MAOB: variants seen among roughly 807,000 people sequenced by gnomAD.
The protein encoded by MAOB is amine oxidase [flavin-containing] B.
MAOB carries 15 observed loss-of-function variants against 41.9 expected under a neutral mutation model. That is an observed-to-expected ratio of 0.36 (90% CI 0.24 to 0.55). The LOEUF (loss-of-function observed/expected upper bound fraction) is 0.55, where lower values mean the gene tolerates loss of function less well. Among genes scored for constraint, MAOB ranks in the 20% least tolerant of loss-of-function variants. The pLI, the probability that MAOB is intolerant of heterozygous loss-of-function variation, is 0.86. For missense variants in MAOB, 345 were observed against 398.7 expected (o/e 0.87, Z 1.15); for synonymous variants, 167 against 144.2 (o/e 1.16, Z -1.13).
intron 1 of MAOB, among the ~76,000 whole-genome samples, chrX:43,870,693 G>A (rs1301214609): frequency 1.9e-5 from 2 of 106,025 alleles, no homozygotes; most frequent in Non-Finnish European, 3.9e-5. Flanking sequence ...TACTTGGGAG[G>A]CTGAGGCAGG....
intron 1 of MAOB, among the ~76,000 whole-genome samples, chrX:43,856,818 C>G (rs1270867355): frequency 9.2e-6 from 1 of 108,595 alleles, no homozygotes; most frequent in Middle Eastern, 4.3e-3. Flanking sequence ...AGAGGAGGAG[C>G]TGGCCTTGCT....
chrX:43,828,041 T>C (rs1052831855), intron 3 of MAOB, among the ~76,000 whole-genome samples: 9 of 111,282 alleles, frequency 8.1e-5, no homozygotes, highest in Non-Finnish European at 1.5e-4. Context: ...TCAAGAAAAG[T>C]AGCAGCTTAA....
rs1484185976 is a variant in MAOB, at chrX:43,767,459, T to C, written c.*7A>G. The C allele has an allele frequency of 2.5e-6, 3 of 1,203,709 alleles. No individual in the cohort carries two copies. Among genetic ancestry groups the C allele is most frequent in the Non-Finnish European group, 3.4e-6 (3 of 891,009 alleles). ...GAAGAGAGTGTGATTACAGACACCC[T>C]CTCTCTTTAGACTCTCACAAGTAGC... On this transcript the variant is annotated 3_prime_UTR_variant, in exon 15 of 15. Coordinates refer to ENST00000378069, the MANE Select transcript of MAOB (RefSeq NM_000898.5).
At chrX:43,778,831 A>T in intron 10 of MAOB, 92 bp from the exon 11 acceptor site, 1 of 649,821 alleles carries the variant, frequency 1.5e-6, no homozygotes, top group Non-Finnish European at 2.4e-6. Context: ...CATAAAAAAG[A>T]TTCCATGAGC....
chrX:43,881,880 G>A (rs1037357231), intron 1 of MAOB, among the ~76,000 whole-genome samples: 1 of 111,891 alleles, frequency 8.9e-6, no homozygotes, highest in Non-Finnish European at 1.9e-5. Flanking sequence ...TGCTCTAAGC[G>A]AGGGTGCGGA....
chrX:43,820,928 TATTCTA>T (rs748068784), intron 3 of MAOB, among the ~76,000 whole-genome samples: 10 of 112,602 alleles, frequency 8.9e-5, no homozygotes, highest in Non-Finnish European at 1.5e-4. Context: ...AAGAAATGAC[TATTCTA>T]ATTCTATGAC....
intron 10 of MAOB, 142 bp downstream of exon 10, chrX:43,780,200 C>A: frequency 2.1e-6 from 1 of 471,787 alleles, no homozygotes. Flanking sequence ...TATAATTAGG[C>A]AGTCCGTAAG....
chrX:43,850,982 C>G (rs2035247358), intron 1 of MAOB, among the ~76,000 whole-genome samples: 2 of 112,129 alleles, frequency 1.8e-5, no homozygotes, highest in African/African-American at 3.2e-5. Flanking sequence ...AAAATGTCAG[C>G]AATCATAATG....
At chrX:43,857,567 C>T (rs2035306895) in intron 1 of MAOB, among the ~76,000 whole-genome samples, 1 of 111,060 alleles carries the variant, frequency 9.0e-6, no homozygotes, top group Admixed American at 9.6e-5. Context: ...TGGAGTCCTG[C>T]GGTCCATCCC....
intron 1 of MAOB, among the ~76,000 whole-genome samples, chrX:43,851,583 T>G (rs935786732): frequency 1.8e-5 from 2 of 111,848 alleles, no homozygotes; most frequent in Admixed American, 9.5e-5. Flanking sequence ...ATTTTTAGAA[T>G]CACAAGCATC....
At chrX:43,781,932 C>A (rs1471462185) in intron 8 of MAOB, among the ~76,000 whole-genome samples, 1 of 111,861 alleles carries the variant, frequency 8.9e-6, no homozygotes. Flanking sequence ...AGAGACTGAA[C>A]ACTGACACTT....
chrX:43,837,738 T>A (rs1254430387), intron 3 of MAOB: 5 of 254,540 alleles, frequency 2.0e-5, no homozygotes, highest in Non-Finnish European at 3.8e-5. Flanking sequence ...GGATGTTTTC[T>A]ACCAGTGAGG....
intron 3 of MAOB, among the ~76,000 whole-genome samples, chrX:43,833,122 C>A (rs1173741366): frequency 1.8e-5 from 2 of 111,682 alleles, no homozygotes; most frequent in Non-Finnish European, 3.8e-5. Context: ...CATGCTCTGA[C>A]CCCATTGCAT....
rs778022016 is a variant in MAOB at position 43,769,409 on chromosome X, G to T, written c.1245C>A (p.Arg415=). The T allele has an allele frequency of 8.3e-7, 1 of 1,204,527 alleles. No homozygotes were observed. The change falls in exon 13 of 15, where the codon CGC becomes CGA. Residue 415 remains arginine (R), a synonymous_variant. Transcript: ENST00000378069. ...CAAAGTAAATCCTGTCCACTGGCTGGCGTAGAACCCTTGGAACAAAACCAA... is the reference window on the plus strand; with the variant it reads ...CAAAGTAAATCCTGTCCACTGGCTGTCGTAGAACCCTTGGAACAAAACCAA... ...GILTQYGRVL[R]QPVDRIYFAG...
rs1050945927 is a variant in MAOB, at chrX:43,769,361, G to A, written c.1293C>T (p.His431=). The change falls in exon 13 of 15, where the codon CAC becomes CAT. Residue 431 remains histidine (H), a synonymous_variant. Coordinates refer to ENST00000378069, the MANE Select transcript of MAOB (RefSeq NM_000898.5). ...CAGCCCCCTCCATGTAGCCGCTCCA[G>A]TGTGTGGCAGTCTCGGTGCCTGCAA... is the stretch of plus-strand genomic sequence containing the variant. ...IYFAGTETAT[H]WSGYMEGAVE... The A allele has an allele frequency of 1.7e-6, 2 of 1,209,857 alleles. No homozygotes were observed. Among genetic ancestry groups the A allele is most frequent in the South Asian group, 3.5e-5 (2 of 56,659 alleles).
At chrX:43,817,717 A>G (rs1232268052) in intron 3 of MAOB, among the ~76,000 whole-genome samples, 1 of 111,934 alleles carries the variant, frequency 8.9e-6, no homozygotes, top group Non-Finnish European at 1.9e-5. Context: ...TGTTCTTTAG[A>G]CACATAAACT....
intron 1 of MAOB, among the ~76,000 whole-genome samples, chrX:43,868,173 A>G (rs1157551932): frequency 8.9e-6 from 1 of 112,418 alleles, no homozygotes; most frequent in Non-Finnish European, 1.9e-5. Context: ...TTGGCGAAAT[A>G]TATTTTTTAA....
At chrX:43,842,951 G>T (rs1244710191) in intron 2 of MAOB, among the ~76,000 whole-genome samples, 1 of 111,007 alleles carries the variant, frequency 9.0e-6, no homozygotes, top group Non-Finnish European at 1.9e-5. Context: ...GACAGGAAGG[G>T]TACAAAATTT....
intron 1 of MAOB, among the ~76,000 whole-genome samples, chrX:43,867,697 A>G (rs1199386010): frequency 2.7e-5 from 3 of 112,336 alleles, no homozygotes; most frequent in Non-Finnish European, 5.6e-5. Context: ...TACAAGAATT[A>G]TATGTAACCA....
Sources: gnomAD v4.1 joint callset for allele counts (sites outside exome capture counted in the v4.1 genomes callset) on GRCh38, gnomAD v4.1.1 for gene constraint, MANE v1.5 for transcripts, NCBI Gene and HGNC (gene_info 2026-07-23, HGNC 2026-07-21) for gene names.